Variants in RAB18 observed in about 807,000 individuals in gnomAD.
The protein encoded by RAB18 is ras-related protein Rab-18.
In RAB18, 10 loss-of-function variants were observed where a neutral mutation model predicts 28.5. That is an observed-to-expected ratio of 0.35 (90% CI 0.22 to 0.60). The LOEUF (loss-of-function observed/expected upper bound fraction) is 0.60, where lower values mean the gene tolerates loss of function less well. Ranked by LOEUF, RAB18 falls within the 20% of genes least tolerant of loss-of-function variation. The pLI, the probability that RAB18 is intolerant of heterozygous loss-of-function variation, is 0.78. For missense variants in RAB18, 188 were observed against 244.2 expected, an observed-to-expected ratio of 0.77 and a Z score of 1.53; for synonymous variants, 93 against 86.9, an observed-to-expected ratio of 1.07 and a Z score of -0.39.
intron 1 of RAB18, among the ~76,000 whole-genome samples, chr10:27,508,151 G>A (rs1324502962): frequency 1.3e-5 from 2 of 152,038 alleles, no homozygotes; most frequent in African/African-American, 4.8e-5. Context: ...CTAGAAAAAT[G>A]CACACATAGA....
At chr10:27,534,559 T>C (rs1281035245) in intron 6 of RAB18, among the ~76,000 whole-genome samples, 1 of 152,208 alleles carries the variant, frequency 6.6e-6, no homozygotes, top group East Asian at 1.9e-4. Flanking sequence ...GTTTAGTAGT[T>C]ACAACAGAGG....
chr10:27,518,151 T>A (rs2477314), intron 2 of RAB18, among the ~76,000 whole-genome samples: 1 of 152,126 alleles, frequency 6.6e-6, no homozygotes, highest in Non-Finnish European at 1.5e-5. Flanking sequence ...TGAGACATTT[T>A]TGTTGTTTCC....
intron 3 of RAB18, among the ~76,000 whole-genome samples, chr10:27,529,969 A>G (rs986378347): frequency 1.4e-4 from 22 of 152,164 alleles, no homozygotes; most frequent in African/African-American, 5.1e-4. Flanking sequence ...TAATATTTCA[A>G]CATTAAAACT....
At chr10:27,523,510 G>C (rs566872456) in intron 2 of RAB18, among the ~76,000 whole-genome samples, 1 of 150,326 alleles carries the variant, frequency 6.7e-6, no homozygotes, top group Admixed American at 6.6e-5. Flanking sequence ...GGTAGTTTCT[G>C]TTGCTGTGTC....
Position 27,537,923 on chromosome 10 carries a change from C to G in RAB18, c.493C>G (p.Leu165Val), listed in dbSNP as rs758578439. ...CDGVQCAFEE[L>V]VEKIIQTPGL... is the part of the protein sequence containing the mutation. ...TGGTGTACAATGTGCCTTTGAAGAA[C>G]TTGTTGAAAAGATCATTCAGACCCC... The change falls in exon 7 of 7, where the codon CTT becomes GTT. Residue 165 changes from leucine to valine, a missense_variant. Physicochemically the swap from Leu to Val is conservative, Grantham distance 32 (BLOSUM62 1). Coordinates refer to ENST00000356940, the MANE Select transcript of RAB18 (RefSeq NM_021252.5). The G allele has an allele frequency of 6.2e-7, 1 of 1,613,920 alleles. No homozygotes were observed. Among genetic ancestry groups the G allele is most frequent in the South Asian group, 1.1e-5 (1 of 91,050 alleles).
intron 2 of RAB18, among the ~76,000 whole-genome samples, chr10:27,515,965 C>T (rs921598802): frequency 2.0e-5 from 3 of 152,008 alleles, no homozygotes; most frequent in Non-Finnish European, 4.4e-5. Context: ...TATCTGTGAT[C>T]GTGGCTCTTC....
intron 2 of RAB18, 138 bp from the exon 3 acceptor site, chr10:27,526,690 C>T (rs1348184568): frequency 3.0e-6 from 3 of 995,550 alleles, no homozygotes; most frequent in Non-Finnish European, 4.6e-6. Flanking sequence ...TTTTTATCTC[C>T]ACATCCAGAA....
At position 27,527,179 on chromosome 10, in the gene RAB18, T is replaced by G. The variant is rs147235238; in HGVS notation, c.186+290T>G. On this transcript the variant is annotated intron_variant, in intron 3 of 6. Transcript: ENST00000356940. ...CAAAGAGAATCATAATTGGATATGT[T>G]TCTTTGAAGTTTTAAAAAGACCATC... 2.5e-3 allele frequency: 1,121 copies of G among 445,844 alleles called. 13 individuals are homozygous for G. The highest frequency in any genetic ancestry group is 0.02 in the African/African-American group (1,025 of 50,004). 27.6% of individuals were successfully genotyped at this position (445,844 alleles called of 1,614,324 possible).
chr10:27,513,785 C>A (rs919059597), intron 2 of RAB18, among the ~76,000 whole-genome samples: 3 of 152,108 alleles, frequency 2.0e-5, no homozygotes, highest in African/African-American at 7.2e-5. Flanking sequence ...ACTGCAAGGC[C>A]CCCCTGAGGT....
chr10:27,510,320 C>T (rs956926021), intron 2 of RAB18: 3 of 268,806 alleles, frequency 1.1e-5, no homozygotes, highest in African/African-American at 2.2e-5. Flanking sequence ...TCTCTGTCAT[C>T]GTGGACCTAA....
At chr10:27,506,642 A>G (rs574796885) in intron 1 of RAB18, among the ~76,000 whole-genome samples, 24 of 152,158 alleles carry the variant, frequency 1.6e-4, no homozygotes, top group African/African-American at 5.5e-4. Flanking sequence ...AATTTTTTTC[A>G]TAGATGGGAT....
intron 2 of RAB18, among the ~76,000 whole-genome samples, chr10:27,521,610 CATT>C (rs1035963978): frequency 1.3e-5 from 2 of 152,072 alleles, no homozygotes; most frequent in African/African-American, 4.8e-5. Context: ...GAAAACCAAA[CATT>C]GTATGTTCTC....
intron 6 of RAB18, among the ~76,000 whole-genome samples, chr10:27,535,701 G>T (rs190785388): frequency 6.6e-6 from 1 of 152,282 alleles, no homozygotes; most frequent in East Asian, 1.9e-4. Context: ...CTGTGTAGCC[G>T]TAGAGGGTGG....
At chr10:27,530,142 C>T (rs1380327501) in intron 3 of RAB18, among the ~76,000 whole-genome samples, 1 of 151,958 alleles carries the variant, frequency 6.6e-6, no homozygotes, top group African/African-American at 2.4e-5. Flanking sequence ...TTTCTGCCAG[C>T]TCTGGAAGTT....
chr10:27,517,915 T>G (rs1834470261), intron 2 of RAB18, among the ~76,000 whole-genome samples: 1 of 152,212 alleles, frequency 6.6e-6, no homozygotes, highest in South Asian at 2.1e-4. Context: ...TTTTATCTTT[T>G]TTGAGAATGT....
chr10:27,535,248 A>T (rs1228371264), intron 6 of RAB18, among the ~76,000 whole-genome samples: 1 of 151,052 alleles, frequency 6.6e-6, no homozygotes, highest in African/African-American at 2.5e-5. Context: ...TTAAAACATT[A>T]TGAGATTTTG....
intron 2 of RAB18, among the ~76,000 whole-genome samples, chr10:27,511,659 T>C (rs577610934): frequency 6.6e-6 from 1 of 152,240 alleles, no homozygotes; most frequent in African/African-American, 2.4e-5. Flanking sequence ...TATGCAGTTT[T>C]GGCAGCAATT....
At chr10:27,528,929 T>C (rs1391442589) in intron 3 of RAB18, among the ~76,000 whole-genome samples, 1 of 152,104 alleles carries the variant, frequency 6.6e-6, no homozygotes, top group Non-Finnish European at 1.5e-5. Context: ...TATTTGCATT[T>C]CTTTTGATAA....
chr10:27,526,884 ATATGGG>A lies in RAB18; in HGVS notation c.184_186+3del. 1 of 1,612,526 alleles carries A rather than the reference ATATGGG, an allele frequency of 6.2e-7. No individual in the cohort carries two copies. Among genetic ancestry groups the A allele is most frequent in the Non-Finnish European group, 8.5e-7 (1 of 1,178,840 alleles). On this transcript the variant is annotated splice_donor_variant and coding_sequence_variant, in exon 3 of 7. Coordinates refer to ENST00000356940, the MANE Select transcript of RAB18 (RefSeq NM_021252.5). LOFTEE classifies it high-confidence loss of function. ...GGATGGAAATAAGGCTAAACTTGCAATATGGGTAAGAGTTTTTAAAATGTATTTTTA... is the reference window on the plus strand; with the variant it reads ...GGATGGAAATAAGGCTAAACTTGCAATAAGAGTTTTTAAAATGTATTTTTA...
Sources: allele counts gnomAD v4.1 joint callset (sites outside exome capture counted in the v4.1 genomes callset), GRCh38; gene constraint gnomAD v4.1.1; transcripts MANE v1.5; gene names NCBI Gene and HGNC (gene_info 2026-07-23, HGNC 2026-07-21).